WDR27: variants seen among roughly 807,000 people sequenced by gnomAD.
WDR27 encodes WD repeat domain 27, also known as WD repeat-containing protein 27.
A neutral mutation model predicts 114.4 loss-of-function variants in WDR27; 100 were observed. The observed-to-expected ratio is 0.87, with a 90% CI of 0.74 to 1.03. WDR27 has a LOEUF of 1.03. Ranked by LOEUF, WDR27 falls within the 50% of genes least tolerant of loss-of-function variation. The pLI is 0.00. For synonymous variants in WDR27, 449 were observed against 423.1 expected (o/e 1.06, Z -0.75); for missense variants, 1,129 against 1,092.9 (o/e 1.03, Z -0.47).
chr6:169,541,596 G>A (rs910121641), intron 25 of WDR27, among the ~76,000 whole-genome samples: 3 of 152,300 alleles, frequency 2.0e-5, no homozygotes, highest in East Asian at 1.9e-4. Context: ...CTCTAACCAC[G>A]AACTCTTTTT....
intron 21 of WDR27, among the ~76,000 whole-genome samples, chr6:169,631,421 TGGGGTGGG>T (rs1816329757): frequency 6.8e-6 from 1 of 146,918 alleles, no homozygotes; most frequent in African/African-American, 2.5e-5. Flanking sequence ...AACTGGGTGG[TGGGGTGGG>T]GGGGTGGAAG....
chr6:169,542,177 A>T (rs571478380), intron 25 of WDR27, among the ~76,000 whole-genome samples: 78 of 152,318 alleles, frequency 5.1e-4, no homozygotes, highest in African/African-American at 1.7e-3. Flanking sequence ...ATTGGTAGTT[A>T]AAAGTTTAAT....
chr6:169,598,222 G>A (rs1165367959), intron 23 of WDR27, among the ~76,000 whole-genome samples: 1 of 152,210 alleles, frequency 6.6e-6, no homozygotes, highest in Non-Finnish European at 1.5e-5. Flanking sequence ...AGGGTGGGCT[G>A]TAAATCCATT....
chr6:169,530,675 C>T (rs1163052298), intron 25 of WDR27, among the ~76,000 whole-genome samples: 2 of 152,218 alleles, frequency 1.3e-5, no homozygotes, highest in African/African-American at 2.4e-5. Context: ...TAACGCAGCA[C>T]CGCCCAGCAG....
intron 1 of WDR27, among the ~76,000 whole-genome samples, chr6:169,696,791 G>A (rs905490721): frequency 6.6e-6 from 1 of 152,220 alleles, no homozygotes; most frequent in Non-Finnish European, 1.5e-5. Flanking sequence ...GCACGTGCCT[G>A]TAGTCCCAGC....
Position 169,546,333 on chromosome 6 carries a change from G to A in WDR27, c.2645+26086C>T, listed in dbSNP as rs150280595. Among the ~76,000 whole-genome samples, 267 of 152,274 alleles carry A rather than the reference G, an allele frequency of 1.8e-3. 3 individuals are homozygous for A. Among genetic ancestry groups the A allele is most frequent in the African/African-American group, 5.9e-3 (247 of 41,570 alleles). ...AAAACCTGTGTACAGCAGCGTTCAC[G>A]GCAGCTCTGTGACAGCCACTCTGCT... On this transcript the variant is annotated intron_variant, in intron 25 of 25. Coordinates refer to ENST00000448612, the MANE Select transcript of WDR27 (RefSeq NM_182552.5).
At chr6:169,551,795 C>T (rs995437161) in intron 25 of WDR27, among the ~76,000 whole-genome samples, 5 of 151,510 alleles carry the variant, frequency 3.3e-5, no homozygotes, top group African/African-American at 1.2e-4. Flanking sequence ...TTATTAGCAG[C>T]CAGAGAGTAA....
chr6:169,502,487 G>GT (rs1008828193), intron 25 of WDR27, among the ~76,000 whole-genome samples: 4 of 152,304 alleles, frequency 2.6e-5, no homozygotes, highest in Non-Finnish European at 2.9e-5. Flanking sequence ...TCTGTAGGTC[G>GT]TAAGTCCCGA....
intron 21 of WDR27, among the ~76,000 whole-genome samples, chr6:169,632,189 CAAAAAAAAAA>C (rs1012298678): frequency 3.1e-5 from 2 of 63,900 alleles, no homozygotes; most frequent in Admixed American, 1.7e-4. Flanking sequence ...GACTCTGTCT[CAAAAAAAAAA>C]AAAAAAAAAA....
intron 1 of WDR27, among the ~76,000 whole-genome samples, chr6:169,696,246 AAGCAATC>A (rs1336070636): frequency 6.6e-6 from 1 of 152,230 alleles, no homozygotes; most frequent in African/African-American, 2.4e-5. Context: ...AGACTAGAAC[AAGCAATC>A]AACAGCAAGA....
At chr6:169,499,553 C>T (rs1200046191) in intron 25 of WDR27, among the ~76,000 whole-genome samples, 1 of 152,224 alleles carries the variant, frequency 6.6e-6, no homozygotes, top group Non-Finnish European at 1.5e-5. Context: ...CTATCACCTG[C>T]ACCATCAAAT....
intron 21 of WDR27, among the ~76,000 whole-genome samples, chr6:169,624,006 T>C (rs985245064): frequency 2.6e-5 from 4 of 152,000 alleles, no homozygotes; most frequent in African/African-American, 7.2e-5. Context: ...AGACACAGGA[T>C]TGGGGACATG....
At chr6:169,673,278 T>C (rs1183838646) in intron 2 of WDR27, among the ~76,000 whole-genome samples, 2 of 152,100 alleles carry the variant, frequency 1.3e-5, no homozygotes, top group Non-Finnish European at 2.9e-5. Context: ...CGATGTTAAA[T>C]AGACAACAGG....
rs1820186856 is a variant in WDR27, at chr6:169,645,012, AAAAAAAAAAAT to A, written c.1658-1237_1658-1227del. ...TGACAGAGCGAGACTCCGTCTCAAAAAAAAAAAAAATAAAAAAAAAAAATAAAAAAAAAAAA... is the reference window on the plus strand; with the variant it reads ...TGACAGAGCGAGACTCCGTCTCAAAAAAAAAAAAAAAATAAAAAAAAAAAA... On this transcript the variant is annotated intron_variant, in intron 16 of 25. Transcript: ENST00000448612. 3.1e-5 allele frequency among the ~76,000 whole-genome samples: 2 copies of A among 64,262 alleles called. 1 individual carries two copies. Among genetic ancestry groups the A allele is most frequent in the African/African-American group, 2.6e-4 (2 of 7,794 alleles). 42.2% of individuals were successfully genotyped at this position (64,262 alleles called of 152,430 possible).
At chr6:169,582,512 G>GT (rs1407081160) in intron 24 of WDR27, among the ~76,000 whole-genome samples, 1 of 152,000 alleles carries the variant, frequency 6.6e-6, no homozygotes, top group African/African-American at 2.4e-5. Context: ...CCATGTAACC[G>GT]TATTTGTCTA....
At chr6:169,562,955 G>A (rs895509074) in intron 25 of WDR27, among the ~76,000 whole-genome samples, 1 of 152,124 alleles carries the variant, frequency 6.6e-6, no homozygotes, top group Non-Finnish European at 1.5e-5. Flanking sequence ...CTCAGAGTCC[G>A]GACTGTGAGC....
chr6:169,446,038 G>T, the WDR27 span, among the ~76,000 whole-genome samples: 1 of 152,256 alleles, frequency 6.6e-6, no homozygotes, highest in Non-Finnish European at 1.5e-5. Context: ...CTTACCCAGT[G>T]AAACAGGGAG....
At chr6:169,583,504 T>C (rs1431863259) in intron 23 of WDR27, among the ~76,000 whole-genome samples, 104 of 25,052 alleles carry the variant, frequency 4.2e-3, no homozygotes, top group South Asian at 0.032. Context: ...TATATATATA[T>C]GTATATATAC....
the WDR27 span, among the ~76,000 whole-genome samples, chr6:169,447,991 A>T: frequency 3.3e-4 from 51 of 152,368 alleles, no homozygotes; most frequent in Non-Finnish European, 5.6e-4. Context: ...TTTAGAATTT[A>T]TACTAAATCT....
Sources: allele counts gnomAD v4.1 joint callset (sites outside exome capture counted in the v4.1 genomes callset), GRCh38; gene constraint gnomAD v4.1.1; transcripts MANE v1.5; gene names NCBI Gene and HGNC (gene_info 2026-07-23, HGNC 2026-07-21).